UGT1A4: variants seen among roughly 807,000 people sequenced by gnomAD.
UGT1A4 encodes the protein UDP-glucuronosyltransferase 1A4.
UGT1A4 carries 32 observed loss-of-function variants against 41.1 expected under a neutral mutation model. That is an observed-to-expected ratio of 0.78 (90% CI 0.59 to 1.05). UGT1A4 has a LOEUF of 1.05. Ranked by LOEUF, UGT1A4 falls within the 50% of genes least tolerant of loss-of-function variation. The probability of loss-of-function intolerance (pLI) is 0.00; values close to 1 mark genes in which losing one functional copy is unlikely to be tolerated. For synonymous variants in UGT1A4, 283 were observed against 265.1 expected, an observed-to-expected ratio of 1.07 and a Z score of -0.66; for missense variants, 748 against 677.4, an observed-to-expected ratio of 1.10 and a Z score of -1.16.
intron 1 of UGT1A4, among the ~76,000 whole-genome samples, chr2:233,761,605 A>G (rs1697811953): frequency 6.6e-6 from 1 of 152,260 alleles, no homozygotes; most frequent in South Asian, 2.1e-4. Context: ...TCCAGTTTCT[A>G]AATATTCTGA....
rs752305202 is a variant in UGT1A4, at chr2:233,769,534, G to A, written c.1307+1095G>A. ...CTCCCATGGTTACCTCCTTTAGAAA[G>A]AAGCAGCAGTCAGGAAGACAGATGT... On this transcript the variant is annotated intron_variant, in intron 4 of 4. Transcript: ENST00000373409. This position sits in a 1 kb window ranked among gnomAD's most constrained non-coding sequence, Gnocchi z 4.4. 1.9e-6 allele frequency: 3 copies of A among 1,612,926 alleles called. No homozygotes were observed. Among genetic ancestry groups the A allele is most frequent in the Non-Finnish European group, 2.5e-6 (3 of 1,179,884 alleles).
chr2:233,729,062 G>A (rs930563151), intron 1 of UGT1A4: 176 of 1,610,848 alleles, frequency 1.1e-4, no homozygotes, highest in Admixed American at 1.2e-4. Context: ...TAATTAAGAT[G>A]AAGAAAGCAA....
At chr2:233,748,948 C>T (rs1323524016) in intron 1 of UGT1A4, among the ~76,000 whole-genome samples, 1 of 151,628 alleles carries the variant, frequency 6.6e-6, no homozygotes, top group Non-Finnish European at 1.5e-5. Context: ...CCACCCTATC[C>T]CACTCCAAGT....
chr2:233,746,509 A>C (rs1693414450), intron 1 of UGT1A4, among the ~76,000 whole-genome samples: 1 of 151,796 alleles, frequency 6.6e-6, no homozygotes, highest in Admixed American at 6.5e-5. Flanking sequence ...AGTAGCCCCC[A>C]AAGCAAGACC....
intron 1 of UGT1A4, among the ~76,000 whole-genome samples, chr2:233,739,476 A>T (rs913646200): frequency 6.6e-6 from 1 of 152,224 alleles, no homozygotes; most frequent in African/African-American, 2.4e-5. Flanking sequence ...AGACCGTGGG[A>T]GCCCATTTCT....
intron 1 of UGT1A4, chr2:233,753,251 C>T (rs1242257828): frequency 6.6e-6 from 1 of 152,206 alleles, no homozygotes; most frequent in African/African-American, 2.4e-5. Flanking sequence ...TAAGAAGCAA[C>T]TACCCAGGCA....
intron 1 of UGT1A4, among the ~76,000 whole-genome samples, chr2:233,751,911 A>T (rs1694846299): frequency 6.6e-6 from 1 of 152,190 alleles, no homozygotes; most frequent in African/African-American, 2.4e-5. Context: ...GAACAGACTA[A>T]TACAAGATTG....
chr2:233,755,190 G>A, intron 1 of UGT1A4: 9 of 1,160,210 alleles, frequency 7.8e-6, no homozygotes, highest in Non-Finnish European at 7.2e-6. Context: ...CCACTTGAGC[G>A]CCAGCTTGCG....
intron 1 of UGT1A4, among the ~76,000 whole-genome samples, chr2:233,721,307 T>C (rs1157154346): frequency 1.3e-5 from 2 of 152,202 alleles, no homozygotes; most frequent in Non-Finnish European, 2.9e-5. Flanking sequence ...GAATAGTGAT[T>C]GTGGCTCTTT....
intron 1 of UGT1A4, among the ~76,000 whole-genome samples, chr2:233,726,247 G>C (rs1198671452): frequency 6.6e-6 from 1 of 152,198 alleles, no homozygotes; most frequent in Non-Finnish European, 1.5e-5. Flanking sequence ...AATATGAAAA[G>C]CTGGGTGCAG....
chr2:233,721,992 G>T, intron 1 of UGT1A4: 1 of 260,508 alleles, frequency 3.8e-6, no homozygotes, highest in African/African-American at 2.2e-5. Flanking sequence ...TTTCACGAAT[G>T]TCCTTTAAGT....
At chr2:233,761,816 G>C (rs374860940) in intron 1 of UGT1A4, among the ~76,000 whole-genome samples, 3 of 152,178 alleles carry the variant, frequency 2.0e-5, no homozygotes, top group Admixed American at 6.5e-5. Flanking sequence ...AACAGGAGAG[G>C]CTCCTTCAGA....
intron 1 of UGT1A4, 126 bp downstream of exon 1, chr2:233,719,813 A>C: frequency 6.3e-7 from 1 of 1,586,286 alleles, no homozygotes; most frequent in Non-Finnish European, 8.6e-7. Context: ...TCTTTATAAC[A>C]GATAAACTGT....
intron 1 of UGT1A4, among the ~76,000 whole-genome samples, chr2:233,765,525 A>G (rs1329952354): frequency 6.6e-6 from 1 of 152,210 alleles, no homozygotes; most frequent in East Asian, 1.9e-4. Flanking sequence ...CAAACACCGC[A>G]TGTTCTCACT....
intron 1 of UGT1A4, chr2:233,739,179 C>T (rs1480075812): frequency 1.3e-5 from 2 of 152,348 alleles, no homozygotes; most frequent in East Asian, 3.9e-4. Context: ...TAAGGAAATG[C>T]TTGGATGTCC....
intron 1 of UGT1A4, among the ~76,000 whole-genome samples, chr2:233,720,850 C>A (rs2076896670): frequency 6.6e-6 from 1 of 150,800 alleles, no homozygotes; most frequent in African/African-American, 2.5e-5. Context: ...GGACTGCAGG[C>A]ATGTGCCACT....
intron 1 of UGT1A4, chr2:233,752,584 T>C (rs903855618): frequency 6.6e-6 from 1 of 152,196 alleles, no homozygotes; most frequent in Non-Finnish European, 1.5e-5. Context: ...CATTCCCATC[T>C]CTACAAGATT....
At chr2:233,761,193 A>G (rs764178788) in intron 1 of UGT1A4, 2 of 1,614,148 alleles carry the variant, frequency 1.2e-6, no homozygotes, top group Non-Finnish European at 8.5e-7. Context: ...ATATTCTTTC[A>G]GATGTATTAC....
At chr2:233,721,551 A>AGT (rs1303257041) in intron 1 of UGT1A4, 1 of 163,364 alleles carries the variant, frequency 6.1e-6, no homozygotes, top group African/African-American at 2.4e-5. Context: ...TTTTTTCTTC[A>AGT]GTTTCTTCTG....
Sources: gnomAD v4.1 joint callset for allele counts (sites outside exome capture counted in the v4.1 genomes callset) on GRCh38, gnomAD v4.1.1 for gene constraint, Gnocchi (gnomAD v3.1) non-coding constraint, MANE v1.5 for transcripts, NCBI Gene and HGNC (gene_info 2026-07-23, HGNC 2026-07-21) for gene names.